Variants in NIM1K observed in about 807,000 individuals in gnomAD.
NIM1K encodes the protein serine/threonine-protein kinase NIM1.
Under a neutral mutation model 37.1 loss-of-function variants are expected in NIM1K, and 35 were observed. The ratio of observed to expected loss-of-function variants is 0.94; its 90% CI spans 0.72 to 1.25. The LOEUF (loss-of-function observed/expected upper bound fraction) is 1.25, where lower values mean the gene tolerates loss of function less well. Among genes scored for constraint, NIM1K ranks in the 50% most tolerant of loss-of-function variants. The pLI, the probability that NIM1K is intolerant of heterozygous loss-of-function variation, is 0.00. For missense variants in NIM1K, 564 were observed against 548.0 expected (o/e 1.03, Z -0.29); for synonymous variants, 234 against 206.6 (o/e 1.13, Z -1.14).
intron 3 of NIM1K, among the ~76,000 whole-genome samples, chr5:43,279,220 C>T (rs886371594): frequency 1.3e-5 from 2 of 152,178 alleles, no homozygotes; most frequent in South Asian, 2.1e-4. Flanking sequence ...ATATATAGTT[C>T]TCACCACAGC....
rs1421168859 is a variant in NIM1K, at chr5:43,214,747, C to T, written c.-695+22336C>T. Among the ~76,000 whole-genome samples, 6 of 137,198 alleles carry T rather than the reference C, an allele frequency of 4.4e-5. No individual in the cohort carries two copies. The East Asian group carries it at 9.2e-4, about 21-fold the overall frequency. The allele number at this position is 137,198 out of a possible 152,430, so 90.0% of individuals were successfully genotyped here. On this transcript the variant is annotated intron_variant, in intron 1 of 3. Transcript: ENST00000326035. ...AGGAGAATGGCGTGAACCCAGGAGG[C>T]GGAGCTTGCAGTGAGCCGAGATCGC...
At chr5:43,241,354 G>A (rs1212604507) in intron 1 of NIM1K, among the ~76,000 whole-genome samples, 2 of 148,554 alleles carry the variant, frequency 1.3e-5, no homozygotes, top group Admixed American at 6.8e-5. Flanking sequence ...TTTTTGAGAC[G>A]GAGTCTCGCT....
intron 1 of NIM1K, among the ~76,000 whole-genome samples, chr5:43,204,235 C>G (rs1752076392): frequency 6.6e-6 from 1 of 150,576 alleles, no homozygotes; most frequent in African/African-American, 2.4e-5. Context: ...AGGCACGTAC[C>G]ACCACTCCTG....
intron 1 of NIM1K, among the ~76,000 whole-genome samples, chr5:43,211,541 A>G (rs4533896): frequency 0.98 from 149,134 of 152,278 alleles, 73,103 homozygotes; most frequent in Middle Eastern, 1. Context: ...TCAGTTCAGC[A>G]TGTCAATATA....
intron 2 of NIM1K, among the ~76,000 whole-genome samples, chr5:43,260,330 T>A (rs982225159): frequency 2.6e-4 from 40 of 152,328 alleles, no homozygotes; most frequent in Middle Eastern, 3.4e-3. Flanking sequence ...TGCTTTCAAC[T>A]TTTCCCCATT....
At chr5:43,251,519 A>ATT (rs1752866266) in intron 2 of NIM1K, among the ~76,000 whole-genome samples, 1 of 152,128 alleles carries the variant, frequency 6.6e-6, no homozygotes, top group African/African-American at 2.4e-5. Flanking sequence ...AAGGTTTAGA[A>ATT]CCTGTTTACA....
At chr5:43,221,713 C>T (rs1184848364) in intron 1 of NIM1K, among the ~76,000 whole-genome samples, 1 of 152,182 alleles carries the variant, frequency 6.6e-6, no homozygotes, top group Non-Finnish European at 1.5e-5. Context: ...TGTTTGAACA[C>T]AGTTTGAACA....
At chr5:43,197,158 G>T (rs769255771) in intron 1 of NIM1K, among the ~76,000 whole-genome samples, 7 of 150,860 alleles carry the variant, frequency 4.6e-5, no homozygotes, top group Non-Finnish European at 8.9e-5. Flanking sequence ...TTAGAGGCAG[G>T]ATCTCACTCA....
intron 1 of NIM1K, among the ~76,000 whole-genome samples, chr5:43,198,208 TCTTTCTTTCTTTCTTTCTTTCTTTCTTTC>T (rs1751958084): frequency 5.5e-4 from 13 of 23,604 alleles, no homozygotes; most frequent in African/African-American, 1.7e-3. Flanking sequence ...TCTTTCTTTC[TCTTTCTTTCTTTCTTTCTTTCTTTCTTTC>T]TTTCTTTCTT....
At chr5:43,251,420 T>G (rs531687879) in intron 2 of NIM1K, among the ~76,000 whole-genome samples, 54 of 152,324 alleles carry the variant, frequency 3.5e-4, no homozygotes, top group African/African-American at 9.4e-4. Context: ...CTCATGAGTC[T>G]TAAAGGTTCC....
intron 1 of NIM1K, among the ~76,000 whole-genome samples, chr5:43,233,930 A>C (rs990285491): frequency 3.3e-5 from 5 of 152,212 alleles, no homozygotes; most frequent in African/African-American, 1.2e-4. Flanking sequence ...AGGCAGGCAT[A>C]GGTCCTCAGA....
chr5:43,257,912 C>CA (rs1416949205), intron 2 of NIM1K, among the ~76,000 whole-genome samples: 1 of 151,176 alleles, frequency 6.6e-6, no homozygotes, highest in East Asian at 1.9e-4. Context: ...AAACCAAAAC[C>CA]AAAAAAACCA....
intron 1 of NIM1K, among the ~76,000 whole-genome samples, chr5:43,213,655 G>A (rs376453672): frequency 6.6e-6 from 1 of 152,078 alleles, no homozygotes; most frequent in South Asian, 2.1e-4. Flanking sequence ...CACCACGCCC[G>A]GCTTATTTTT....
At chr5:43,266,584 C>G (rs962077348) in intron 2 of NIM1K, among the ~76,000 whole-genome samples, 1 of 152,186 alleles carries the variant, frequency 6.6e-6, no homozygotes, top group Non-Finnish European at 1.5e-5. Flanking sequence ...GAGGCGATGC[C>G]CTGCCCTAGT....
chr5:43,221,267 G>A (rs754724953), intron 1 of NIM1K, among the ~76,000 whole-genome samples: 1 of 151,946 alleles, frequency 6.6e-6, no homozygotes, highest in South Asian at 2.1e-4. Context: ...TTGACGTCAG[G>A]AGTTCGAGAC....
intron 1 of NIM1K, among the ~76,000 whole-genome samples, chr5:43,206,260 C>A (rs541930042): frequency 6.6e-6 from 1 of 151,998 alleles, no homozygotes; most frequent in Non-Finnish European, 1.5e-5. Context: ...TGGCTCTATG[C>A]CTGTAGTCCC....
chr5:43,253,910 C>T (rs1392944919), intron 2 of NIM1K, among the ~76,000 whole-genome samples: 3 of 152,194 alleles, frequency 2.0e-5, no homozygotes, highest in Non-Finnish European at 4.4e-5. Flanking sequence ...ATCCGCCCGC[C>T]TCAGCCTCCC....
chr5:43,245,490 A>G lies in NIM1K; in HGVS notation c.-286A>G. ...GTCCCATCAGGCCAGTGGGTATGTA[A>G]CATGTGCCTAATTGTACAGCTAGAG... On this transcript the variant is annotated 5_prime_UTR_variant, in exon 2 of 4. The change abolishes the stop of an existing upstream ORF in the 5' untranslated region. Coordinates refer to ENST00000326035, the MANE Select transcript of NIM1K (RefSeq NM_153361.4). 6.4e-6 allele frequency: 2 copies of G among 310,388 alleles called. No homozygotes were observed. The allele number at this position is 310,388 out of a possible 1,614,324, so 19.2% of individuals were successfully genotyped here. A position where few individuals can be genotyped will look rare whatever the true frequency, so the allele number is the denominator to read the frequency against.
intron 2 of NIM1K, among the ~76,000 whole-genome samples, chr5:43,246,728 C>T (rs1273193839): frequency 6.6e-6 from 1 of 152,124 alleles, no homozygotes; most frequent in African/African-American, 2.4e-5. Context: ...CTACTGGAAA[C>T]TTTGAGATTC....
Sources: gnomAD v4.1 joint callset for allele counts (sites outside exome capture counted in the v4.1 genomes callset) on GRCh38, gnomAD v4.1.1 for gene constraint, MANE v1.5 for transcripts, NCBI Gene and HGNC (gene_info 2026-07-23, HGNC 2026-07-21) for gene names.